Variants in DSCAML1 observed in about 807,000 individuals in gnomAD.
DSCAML1 encodes the protein cell adhesion molecule DSCAML1.
DSCAML1 carries 38 observed loss-of-function variants against 200.5 expected under a neutral mutation model. That is an observed-to-expected ratio of 0.19 (90% CI 0.15 to 0.25). DSCAML1 has a LOEUF of 0.25. Among genes scored for constraint, DSCAML1 ranks in the 10% least tolerant of loss-of-function variants. The pLI is 1.00. For missense variants in DSCAML1, 2,223 were observed against 2,858.8 expected (o/e 0.78, Z 5.07); for synonymous variants, 1,215 against 1,165.0 (o/e 1.04, Z -0.87).
At chr11:117,451,686 G>C (rs922853564) in intron 19 of DSCAML1, among the ~76,000 whole-genome samples, 2 of 152,048 alleles carry the variant, frequency 1.3e-5, no homozygotes, top group Non-Finnish European at 2.9e-5. Context: ...ATGGTGGTGT[G>C]TGCTTGTTTT....
At chr11:117,787,579 G>A (rs2055381435) in intron 1 of DSCAML1, among the ~76,000 whole-genome samples, 1 of 152,138 alleles carries the variant, frequency 6.6e-6, no homozygotes, top group Non-Finnish European at 1.5e-5. Context: ...TGTCTATACT[G>A]AGAGTAACAG....
At chr11:117,461,698 A>T (rs1416212145) in intron 17 of DSCAML1, 102 bp from the exon 18 acceptor site, 2 of 1,183,768 alleles carry the variant, frequency 1.7e-6, no homozygotes, top group Non-Finnish European at 2.4e-6. Flanking sequence ...CAACCAGAGG[A>T]GCGTCCAGTT....
chr11:117,550,701 C>A (rs958368021), intron 3 of DSCAML1, among the ~76,000 whole-genome samples: 1 of 152,192 alleles, frequency 6.6e-6, no homozygotes, highest in Non-Finnish European at 1.5e-5. Flanking sequence ...GCACCAGCCT[C>A]CCCAGCACAC....
At chr11:117,654,712 C>G (rs1252921705) in intron 3 of DSCAML1, among the ~76,000 whole-genome samples, 3 of 152,148 alleles carry the variant, frequency 2.0e-5, no homozygotes, top group African/African-American at 7.2e-5. Context: ...TGGAAGAGAC[C>G]TAAGAGATCA....
rs575151379 is a variant in DSCAML1, at chr11:117,718,562, T to C, written c.511+58229A>G. 8.6e-5 allele frequency among the ~76,000 whole-genome samples: 13 copies of C among 151,750 alleles called. 1 individual carries two copies. The highest frequency in any genetic ancestry group is 1.6e-4 in the Non-Finnish European group (11 of 68,010). On this transcript the variant is annotated intron_variant, in intron 3 of 32. Transcript: ENST00000651296. ...TTAATCAATGGAATTAGGAGATTCC[T>C]GATATCCCTTAAGACAGAAAATATG...
chr11:117,647,656 A>G (rs917147086), intron 3 of DSCAML1, among the ~76,000 whole-genome samples: 6 of 152,250 alleles, frequency 3.9e-5, no homozygotes, highest in Admixed American at 3.3e-4. Context: ...ACAAATGGAG[A>G]AAGGGAAGGG....
chr11:117,618,888 C>G (rs914910611), intron 3 of DSCAML1, among the ~76,000 whole-genome samples: 8 of 152,160 alleles, frequency 5.3e-5, no homozygotes, highest in Non-Finnish European at 2.9e-5. Context: ...AGTGCCACTA[C>G]CGCTCACTGG....
At chr11:117,543,213 A>G (rs898777588) in intron 3 of DSCAML1, among the ~76,000 whole-genome samples, 2 of 152,238 alleles carry the variant, frequency 1.3e-5, no homozygotes, top group Non-Finnish European at 2.9e-5. Flanking sequence ...AAATCCTGCC[A>G]TGATCAGTTG....
At chr11:117,631,330 T>C (rs1339127322) in intron 3 of DSCAML1, among the ~76,000 whole-genome samples, 9 of 152,182 alleles carry the variant, frequency 5.9e-5, no homozygotes, top group Admixed American at 5.9e-4. Flanking sequence ...CAGGGCCTGT[T>C]GGACCCGGGC....
intron 3 of DSCAML1, among the ~76,000 whole-genome samples, chr11:117,594,109 G>A (rs1436728684): frequency 6.6e-6 from 1 of 152,132 alleles, no homozygotes; most frequent in Non-Finnish European, 1.5e-5. Flanking sequence ...TCTCAGTCTT[G>A]ACAAAGGACA....
chr11:117,464,322 C>T (rs1424739360), intron 17 of DSCAML1, among the ~76,000 whole-genome samples: 1 of 152,152 alleles, frequency 6.6e-6, no homozygotes, highest in African/African-American at 2.4e-5. Flanking sequence ...CTGGTGCGGG[C>T]TCAGGTACCA....
At chr11:117,500,928 G>C (rs2049381814) in intron 11 of DSCAML1, among the ~76,000 whole-genome samples, 1 of 152,056 alleles carries the variant, frequency 6.6e-6, no homozygotes. Flanking sequence ...AGTTATTTTG[G>C]GTCAAAACTT....
chr11:117,538,421 G>C (rs1228911472), intron 3 of DSCAML1, among the ~76,000 whole-genome samples: 1 of 152,210 alleles, frequency 6.6e-6, no homozygotes, highest in African/African-American at 2.4e-5. Flanking sequence ...GGCCGGAGTA[G>C]CTGAGGTTGG....
intron 1 of DSCAML1, among the ~76,000 whole-genome samples, chr11:117,806,600 C>T (rs1341852823): frequency 6.6e-6 from 1 of 152,210 alleles, no homozygotes; most frequent in Non-Finnish European, 1.5e-5. Flanking sequence ...TCCAAACAAC[C>T]CTATAAGACT....
chr11:117,564,194 A>G (rs768987756), intron 3 of DSCAML1, among the ~76,000 whole-genome samples: 1 of 152,012 alleles, frequency 6.6e-6, no homozygotes, highest in Non-Finnish European at 1.5e-5. Context: ...ACTGACTCAC[A>G]CTCCTGTTTC....
chr11:117,457,759 G>A (rs77497013), intron 19 of DSCAML1, among the ~76,000 whole-genome samples: 1,722 of 152,296 alleles, frequency 0.011, 26 homozygotes, highest in African/African-American at 0.039. Context: ...CAGCCGAGTC[G>A]TTCCTTTTCA....
In DSCAML1 at chr11:117,499,007, A is replaced by G. The variant is rs138466343; in HGVS notation, c.2359+4838T>C. ...ATAAGGTCACCTGCTGGATAAGAGG[A>G]TGGCCGAGTCCCAGGAGGGCACTGC... is the stretch of plus-strand genomic sequence containing the variant. On this transcript the variant is annotated intron_variant, in intron 11 of 32. Coordinates refer to ENST00000651296, the MANE Select transcript of DSCAML1 (RefSeq NM_020693.4). Among the ~76,000 whole-genome samples the G allele has an allele frequency of 2.0e-5, 3 of 152,234 alleles. No homozygotes were observed. The East Asian group carries it at 5.8e-4, about 29-fold the overall frequency.
intron 3 of DSCAML1, among the ~76,000 whole-genome samples, chr11:117,707,531 T>C (rs1240126802): frequency 1.3e-5 from 2 of 151,712 alleles, no homozygotes; most frequent in African/African-American, 4.9e-5. Flanking sequence ...TTTTTCTTTT[T>C]ATTCTTTTTT....
chr11:117,454,218 C>T (rs536521168), intron 19 of DSCAML1, among the ~76,000 whole-genome samples: 18 of 152,228 alleles, frequency 1.2e-4, no homozygotes, highest in East Asian at 3.9e-4. Flanking sequence ...CCCGGGAGCA[C>T]GTTAGAAGTG....
Sources: allele counts gnomAD v4.1 joint callset (sites outside exome capture counted in the v4.1 genomes callset), GRCh38; gene constraint gnomAD v4.1.1; transcripts MANE v1.5; gene names NCBI Gene and HGNC (gene_info 2026-07-23, HGNC 2026-07-21).